ZSWIM5: variants seen among roughly 807,000 people sequenced by gnomAD.
The protein encoded by ZSWIM5 is zinc finger SWIM-type containing 5.
A neutral mutation model predicts 119.6 loss-of-function variants in ZSWIM5; 55 were observed. The ratio of observed to expected loss-of-function variants is 0.46; its 90% confidence interval spans 0.37 to 0.58. The LOEUF (loss-of-function observed/expected upper bound fraction) is 0.58, where lower values mean the gene tolerates loss of function less well. Among genes scored for constraint, ZSWIM5 ranks in the 20% least tolerant of loss-of-function variants. The pLI is 0.00. For synonymous variants in ZSWIM5, 537 were observed against 606.9 expected, an observed-to-expected ratio of 0.88 and a Z score of 1.69; for missense variants, 1,193 against 1,512.8, an observed-to-expected ratio of 0.79 and a Z score of 3.51.
chr1:45,078,909 G>A (rs1000441673), intron 2 of ZSWIM5, among the ~76,000 whole-genome samples: 1 of 152,106 alleles, frequency 6.6e-6, no homozygotes, highest in Non-Finnish European at 1.5e-5. Flanking sequence ...TTCCTGTCAG[G>A]CCTCTGAGCC....
intron 5 of ZSWIM5, among the ~76,000 whole-genome samples, chr1:45,046,622 T>C (rs1296391014): frequency 7.8e-6 from 1 of 128,960 alleles, no homozygotes; most frequent in African/African-American, 3.3e-5. Context: ...AGAGGAAAGG[T>C]CTGGGCAAGA....
At chr1:45,117,135 G>A (rs1645563254) in intron 1 of ZSWIM5, among the ~76,000 whole-genome samples, 1 of 152,182 alleles carries the variant, frequency 6.6e-6, no homozygotes, top group Non-Finnish European at 1.5e-5. Flanking sequence ...TTATAAGCTT[G>A]ATAACTAACC....
rs571051834 is a variant in ZSWIM5, at chr1:45,126,027, C to T, written c.596-37790G>A. 1.1e-4 allele frequency among the ~76,000 whole-genome samples: 16 copies of T among 151,816 alleles called. No individual in the cohort carries two copies. The South Asian group carries it at 2.3e-3, about 22-fold the overall frequency. Reference sequence around the variant, plus strand: ...AGGTTACAGTGAGCCTTGATTGCACCGCTGCACTCCAGCTTGGGTGACAGA... The same window carrying T: ...AGGTTACAGTGAGCCTTGATTGCACTGCTGCACTCCAGCTTGGGTGACAGA... On this transcript the variant is annotated intron_variant, in intron 1 of 13. Transcript: ENST00000359600.
At chr1:45,201,505 T>C (rs1263657257) in intron 1 of ZSWIM5, among the ~76,000 whole-genome samples, 1 of 152,192 alleles carries the variant, frequency 6.6e-6, no homozygotes, top group East Asian at 1.9e-4. Context: ...CTCACCATAA[T>C]AGATTACTGA....
intron 1 of ZSWIM5, among the ~76,000 whole-genome samples, chr1:45,188,565 AC>A (rs1646072731): frequency 6.6e-6 from 1 of 152,212 alleles, no homozygotes; most frequent in Non-Finnish European, 1.5e-5. Flanking sequence ...TGAATTGTAC[AC>A]TTTAAATGGA....
At chr1:45,164,375 T>A (rs1161982052) in intron 1 of ZSWIM5, among the ~76,000 whole-genome samples, 7 of 152,028 alleles carry the variant, frequency 4.6e-5, no homozygotes, top group Admixed American at 3.3e-4. Flanking sequence ...CATGACAAAT[T>A]GTAAAAACCA....
intron 4 of ZSWIM5, among the ~76,000 whole-genome samples, chr1:45,053,675 A>T (rs1645103321): frequency 6.8e-6 from 1 of 147,550 alleles, no homozygotes; most frequent in Non-Finnish European, 1.5e-5. Context: ...AGGCAAGAGA[A>T]TCTCTTGAGT....
At chr1:45,102,035 A>G (rs1366053833) in intron 1 of ZSWIM5, among the ~76,000 whole-genome samples, 1 of 132,708 alleles carries the variant, frequency 7.5e-6, no homozygotes, top group Admixed American at 7.0e-5. Flanking sequence ...AACTTAAAGT[A>G]TAATAAAAAA....
chr1:45,180,568 T>C (rs1163131414), intron 1 of ZSWIM5, among the ~76,000 whole-genome samples: 3 of 152,156 alleles, frequency 2.0e-5, no homozygotes, highest in African/African-American at 7.2e-5. Context: ...CTGACAGCTT[T>C]AAGGAGAGCA....
At chr1:45,172,395 T>C (rs1045780443) in intron 1 of ZSWIM5, among the ~76,000 whole-genome samples, 3 of 152,106 alleles carry the variant, frequency 2.0e-5, no homozygotes, top group Non-Finnish European at 2.9e-5. Flanking sequence ...AGAACCAAAT[T>C]AGCAGTGCAG....
intron 11 of ZSWIM5, among the ~76,000 whole-genome samples, chr1:45,029,084 G>A (rs1439195596): frequency 1.3e-5 from 2 of 152,154 alleles, no homozygotes; most frequent in Non-Finnish European, 2.9e-5. Context: ...TTCCTACAAA[G>A]ACACTCTCCT....
chr1:45,046,426 G>T (rs1645054646), intron 5 of ZSWIM5, among the ~76,000 whole-genome samples: 2 of 152,148 alleles, frequency 1.3e-5, no homozygotes, highest in Admixed American at 1.3e-4. Flanking sequence ...TACAGCTGGG[G>T]TGAGAGAGAG....
At chr1:45,160,586 T>C (rs1221275778) in intron 1 of ZSWIM5, among the ~76,000 whole-genome samples, 1 of 152,106 alleles carries the variant, frequency 6.6e-6, no homozygotes, top group Non-Finnish European at 1.5e-5. Flanking sequence ...GCTGCACCCA[T>C]GTTGCTGCAA....
chr1:45,110,683 G>T (rs1489410264), intron 1 of ZSWIM5, among the ~76,000 whole-genome samples: 1 of 152,016 alleles, frequency 6.6e-6, no homozygotes, highest in Admixed American at 6.6e-5. Flanking sequence ...ATGCAAAATC[G>T]ACAAGAAAAA....
intron 1 of ZSWIM5, among the ~76,000 whole-genome samples, chr1:45,143,171 C>CAAAAAAAAAAAAAAAAAA (rs60638239): frequency 1.7e-5 from 1 of 60,598 alleles, no homozygotes; most frequent in African/African-American, 6.6e-5. Flanking sequence ...GACTCTGTCT[C>CAAAAAAAAAAAAAAAAAA]AAAAAAAAAA....
At chr1:45,143,245 T>C (rs1193805775) in intron 1 of ZSWIM5, among the ~76,000 whole-genome samples, 2 of 149,498 alleles carry the variant, frequency 1.3e-5, no homozygotes, top group Admixed American at 1.3e-4. Context: ...ACACAAAAAC[T>C]CTCAACAAAA....
In ZSWIM5 at chr1:45,191,272, T is replaced by C. The variant is rs868718318; in HGVS notation, c.595+14484A>G. On this transcript the variant is annotated intron_variant, in intron 1 of 13. Coordinates refer to ENST00000359600, the MANE Select transcript of ZSWIM5 (RefSeq NM_020883.2). ...TTTACGCTCCTACCTTGCTCAGTCA[T>C]TTGCAGGCTGCCCTTAGAAAAGTAT... 6.6e-5 allele frequency among the ~76,000 whole-genome samples: 10 copies of C among 152,250 alleles called. 1 individual carries two copies. In the South Asian group the frequency reaches 2.1e-3, roughly 32 times the overall value.
chr1:45,160,989 A>ATTTTTTTT (rs534599856), intron 1 of ZSWIM5, among the ~76,000 whole-genome samples: 3 of 122,666 alleles, frequency 2.4e-5, no homozygotes, highest in Non-Finnish European at 5.3e-5. Context: ...GCCCGGCTAA[A>ATTTTTTTT]TTTTTTTTTT....
chr1:45,135,674 G>T (rs951829356), intron 1 of ZSWIM5, among the ~76,000 whole-genome samples: 3 of 152,092 alleles, frequency 2.0e-5, no homozygotes, highest in African/African-American at 7.2e-5. Context: ...TAATAATCCT[G>T]ATAAGAAAAC....
Sources: gnomAD v4.1 joint callset for allele counts (sites outside exome capture counted in the v4.1 genomes callset) on GRCh38, gnomAD v4.1.1 for gene constraint, MANE v1.5 for transcripts, NCBI Gene and HGNC (gene_info 2026-07-23, HGNC 2026-07-21) for gene names.